Variants in STRIP1 observed in about 807,000 individuals in gnomAD.
The protein encoded by STRIP1 is striatin interacting protein 1, also known as striatin-interacting protein 1.
STRIP1 carries 63 observed loss-of-function variants against 106.2 expected under a neutral mutation model. The observed-to-expected ratio is 0.59, with a 90% confidence interval of 0.48 to 0.73. The LOEUF (loss-of-function observed/expected upper bound fraction) is 0.73, where lower values mean the gene tolerates loss of function less well. Among genes scored for constraint, STRIP1 ranks in the 30% least tolerant of loss-of-function variants. STRIP1 has a pLI of 0.00. For missense variants in STRIP1, 857 were observed against 1,074.8 expected, an observed-to-expected ratio of 0.80 and a Z score of 2.83; for synonymous variants, 390 against 413.0, an observed-to-expected ratio of 0.94 and a Z score of 0.67.
intron 3 of STRIP1, 128 bp downstream of exon 3, chr1:110,038,885 T>A: frequency 1.1e-6 from 1 of 874,638 alleles, no homozygotes; most frequent in Non-Finnish European, 1.8e-6. Context: ...CCCTGATGGT[T>A]CAAAGCCAGA....
intron 8 of STRIP1, among the ~76,000 whole-genome samples, chr1:110,042,562 A>C (rs1410847028): frequency 1.3e-5 from 2 of 152,258 alleles, no homozygotes; most frequent in Non-Finnish European, 2.9e-5. Flanking sequence ...TTCTTCATAA[A>C]GCCTTGCTAA....
chr1:110,038,649 T>C (rs765669363), intron 2 of STRIP1, 34 bp from the exon 3 acceptor site: 2 of 1,593,024 alleles, frequency 1.3e-6, no homozygotes, highest in South Asian at 1.1e-5. Flanking sequence ...AATGCAGACA[T>C]GGAACCAATG....
Position 110,054,076 on chromosome 1 carries a change from CTCCCCTTGGTTCCCAGGG to C in STRIP1, c.*168_*185del. The C allele has an allele frequency of 1.3e-6, 1 of 777,282 alleles. No homozygotes were observed. Among genetic ancestry groups the C allele is most frequent in the South Asian group, 1.8e-5 (1 of 55,854 alleles). 48.1% of individuals were successfully genotyped at this position (777,282 alleles called of 1,614,324 possible). ...TGGGCTTGGGTGAGCCCAGCTTGAC[CTCCCCTTGGTTCCCAGGG>C]TCCTGCTCCGAAGCAGTCATCTCTG... On this transcript the variant is annotated 3_prime_UTR_variant, in exon 21 of 21. Coordinates refer to ENST00000369795, the MANE Select transcript of STRIP1 (RefSeq NM_033088.4).
In STRIP1 at chr1:110,050,259, C is replaced by T; in HGVS notation, c.1890-84C>T. On this transcript the variant is annotated intron_variant, in intron 17 of 20. Coordinates refer to ENST00000369795, the MANE Select transcript of STRIP1 (RefSeq NM_033088.4). ...TGCTCCAACAAGTGAGGGAGGAAAG[C>T]TGGGAGCTGGCTCAGGCACGGCTGC... is the stretch of plus-strand genomic sequence containing the variant. 4 of 1,354,186 alleles carry T rather than the reference C, an allele frequency of 3.0e-6. No individual in the cohort carries two copies. In the South Asian group the frequency reaches 4.8e-5, roughly 16 times the overall value. The allele number at this position is 1,354,186 out of a possible 1,614,324, so 83.9% of individuals were successfully genotyped here.
rs151330607 is a variant in STRIP1 at position 110,037,023 on chromosome 1, C to T, written c.181-868C>T. 7.5e-3 allele frequency among the ~76,000 whole-genome samples: 1,138 copies of T among 152,076 alleles called. 13 individuals carry two copies. Among genetic ancestry groups the T allele is most frequent in the African/African-American group, 0.026 (1,069 of 41,462 alleles). Reference sequence around the variant, plus strand: ...AAAAATTTTATATTTTTATTAGAGACGGGGTTTTACCATGTTGGCCAGGCT... The same window carrying T: ...AAAAATTTTATATTTTTATTAGAGATGGGGTTTTACCATGTTGGCCAGGCT... On this transcript the variant is annotated intron_variant, in intron 1 of 20. Transcript: ENST00000369795.
At chr1:110,044,417 C>T (rs1652921855) in intron 10 of STRIP1, among the ~76,000 whole-genome samples, 1 of 152,124 alleles carries the variant, frequency 6.6e-6, no homozygotes, top group Non-Finnish European at 1.5e-5. Flanking sequence ...GAAGGGAATG[C>T]AAAACAGATC....
chr1:110,053,206 G>A (rs1040483193), intron 20 of STRIP1, among the ~76,000 whole-genome samples: 3 of 152,200 alleles, frequency 2.0e-5, no homozygotes, highest in South Asian at 2.1e-4. Flanking sequence ...CTGTGTGTGC[G>A]TGTTGCTGCG....
chr1:110,039,140 G>A (rs754474272), intron 3 of STRIP1, 32 bp from the exon 4 acceptor site: 2 of 1,610,140 alleles, frequency 1.2e-6, no homozygotes, highest in South Asian at 2.2e-5. Flanking sequence ...GATTTTTCTA[G>A]GCTCAGGTGT....
chr1:110,050,044 C>T (rs1653216967), intron 17 of STRIP1: 1 of 430,102 alleles, frequency 2.3e-6, no homozygotes, highest in Admixed American at 3.9e-5. Context: ...AAATTAGTTG[C>T]CCTGAGCTAT....
At chr1:110,052,156 C>G (rs71665079) in intron 20 of STRIP1, among the ~76,000 whole-genome samples, 1 of 152,152 alleles carries the variant, frequency 6.6e-6, no homozygotes, top group South Asian at 2.1e-4. Context: ...AAGACTGTGT[C>G]CCCTCTTTTC....
Position 110,049,163 on chromosome 1 carries a change from A to G in STRIP1, c.1713A>G (p.Lys571=). 3.1e-6 allele frequency: 5 copies of G among 1,614,206 alleles called. No homozygotes were observed. Among genetic ancestry groups the G allele is most frequent in the Non-Finnish European group, 4.2e-6 (5 of 1,180,040 alleles). The change falls in exon 16 of 21, where the codon AAA becomes AAG. Residue 571 remains lysine (K), a synonymous_variant. Coordinates refer to ENST00000369795, the MANE Select transcript of STRIP1 (RefSeq NM_033088.4). The stretch of plus-strand genomic sequence containing the variant: ...TGGGGGTGGATGTAAACCGCCACAA[A>G]GAGGTCATTGTTAAGGCCATTTCTG... The part of the protein sequence containing the change: ...MKLGVDVNRH[K]EVIVKAISAV...
chr1:110,039,006 A>T, intron 3 of STRIP1, 166 bp from the exon 4 acceptor site: 2 of 855,682 alleles, frequency 2.3e-6, no homozygotes, highest in Non-Finnish European at 3.6e-6. Context: ...CCAGCGTTTC[A>T]GTTTGGAATC....
rs1316020557 is a variant in STRIP1, at chr1:110,034,653, G to C, written c.16G>C (p.Gly6Arg). Reference sequence around the variant, plus strand: ...AGCAGCCAAGATGGAGCCGGCAGTCGGCGGTCCGGGCCCACTGATCGTGAA... The same window carrying C: ...AGCAGCCAAGATGGAGCCGGCAGTCCGCGGTCCGGGCCCACTGATCGTGAA... MEPAV[G>R]GPGPLIVNNK... Residue 6 changes from glycine to arginine, a missense_variant, in exon 1 of 21, where the codon GGC becomes CGC. Gly to Arg is a moderately radical substitution (Grantham distance 125). Coordinates refer to ENST00000369795, the MANE Select transcript of STRIP1 (RefSeq NM_033088.4). 3 of 1,521,296 alleles carry C rather than the reference G, an allele frequency of 2.0e-6. No individual in the cohort carries two copies. The highest frequency in any genetic ancestry group is 2.6e-6 in the Non-Finnish European group (3 of 1,135,566). 94.2% of individuals were successfully genotyped at this position (1,521,296 alleles called of 1,614,324 possible).
chr1:110,043,889 C>T, intron 10 of STRIP1, 33 bp downstream of exon 10: 1 of 1,594,648 alleles, frequency 6.3e-7, no homozygotes, highest in Non-Finnish European at 8.6e-7. Flanking sequence ...ACTCATAGTT[C>T]CTGAGGCAGA....
In STRIP1 at chr1:110,034,692, C is replaced by T; in HGVS notation, c.55C>T (p.Gln19Ter). The change falls in exon 1 of 21, where the codon CAG becomes TAG. Residue 19 changes from glutamine (Q) to a stop codon, truncating the protein, a stop_gained. Coordinates refer to ENST00000369795, the MANE Select transcript of STRIP1 (RefSeq NM_033088.4). LOFTEE classifies it high-confidence loss of function. Reference protein sequence around the residue: ...GPLIVNNKQPQPPPPPPPAAA... With the variant: ...GPLIVNNKQP The stretch of plus-strand genomic sequence containing the variant: ...ACTGATCGTGAACAACAAACAGCCC[C>T]AGCCCCCGCCACCTCCGCCGCCGGC... The T allele has an allele frequency of 6.6e-7, 1 of 1,515,736 alleles. No homozygotes were observed. The highest frequency in any genetic ancestry group is 8.8e-7 in the Non-Finnish European group (1 of 1,133,906). 93.9% of individuals were successfully genotyped at this position (1,515,736 alleles called of 1,614,324 possible).
chr1:110,042,388 C>T (rs1345398361), intron 8 of STRIP1, among the ~76,000 whole-genome samples: 1 of 152,212 alleles, frequency 6.6e-6, no homozygotes, highest in East Asian at 1.9e-4. Flanking sequence ...GCCAGGAGGC[C>T]TTCCCAGGAG....
At chr1:110,049,788 G>A (rs1570928094) in intron 17 of STRIP1, 3 of 510,600 alleles carry the variant, frequency 5.9e-6, no homozygotes, top group Non-Finnish European at 1.0e-5. Flanking sequence ...CTGGGCAGGA[G>A]GGTTTTCATC....
At chr1:110,043,513 CCACTGTGGTTTTTCCACTGT>C in intron 9 of STRIP1, 106 bp from the exon 10 acceptor site, 2 of 937,288 alleles carry the variant, frequency 2.1e-6, no homozygotes, top group Non-Finnish European at 3.3e-6. Flanking sequence ...GTCTTGACTC[CCACTGTGGTTTTTCCACTGT>C]TCTTGCCTCT....
intron 17 of STRIP1, chr1:110,049,876 GTC>G (rs1183612111): frequency 3.2e-6 from 1 of 308,650 alleles, no homozygotes; most frequent in Non-Finnish European, 5.9e-6. Context: ...GCTGCTTGCT[GTC>G]TCTAAGGGGC....
Sources: allele counts gnomAD v4.1 joint callset (sites outside exome capture counted in the v4.1 genomes callset), GRCh38; gene constraint gnomAD v4.1.1; transcripts MANE v1.5; gene names NCBI Gene and HGNC (gene_info 2026-07-23, HGNC 2026-07-21).